The following NEK6 variants were observed in gnomAD, a reference collection of about 807,000 sequenced individuals.
NEK6 encodes serine/threonine-protein kinase Nek6.
In NEK6, 27 loss-of-function variants were observed where a neutral mutation model predicts 43.5. That is an observed-to-expected ratio of 0.62 (90% CI 0.46 to 0.86). NEK6 has a LOEUF of 0.86. NEK6 is among the 40% of genes least tolerant of loss of function. The pLI, the probability that NEK6 is intolerant of heterozygous loss-of-function variation, is 0.00. For missense variants in NEK6, 318 were observed against 414.4 expected, an observed-to-expected ratio of 0.77 and a Z score of 2.02; for synonymous variants, 167 against 164.1, an observed-to-expected ratio of 1.02 and a Z score of -0.14.
At chr9:124,265,234 AAAGTTTTGGCCAGGC>A (rs1475570213) in intron 1 of NEK6, among the ~76,000 whole-genome samples, 1 of 152,214 alleles carries the variant, frequency 6.6e-6, no homozygotes, top group Admixed American at 6.5e-5. Flanking sequence ...GTTAAACATA[AAAGTTTTGGCCAGGC>A]ACGGTGGCTC....
At chr9:124,327,276 G>T in intron 6 of NEK6, 62 bp from the exon 7 acceptor site, 1 of 1,376,534 alleles carries the variant, frequency 7.3e-7, no homozygotes, top group Admixed American at 1.7e-5. Context: ...CCTTCCTCTC[G>T]TCCTGCCCCA....
At chr9:124,322,867 G>C (rs924883581) in intron 5 of NEK6, among the ~76,000 whole-genome samples, 1 of 152,270 alleles carries the variant, frequency 6.6e-6, no homozygotes, top group South Asian at 2.1e-4. Context: ...GCGTCACTGG[G>C]AAGTGGCATT....
chr9:124,348,725 A>G (rs978860406), intron 9 of NEK6, among the ~76,000 whole-genome samples: 2 of 152,184 alleles, frequency 1.3e-5, no homozygotes, highest in African/African-American at 2.4e-5. Context: ...TGTGACCCTT[A>G]TTTCTGTTCA....
chr9:124,348,386 G>T (rs1027667755), intron 9 of NEK6, among the ~76,000 whole-genome samples: 2 of 152,202 alleles, frequency 1.3e-5, no homozygotes, highest in African/African-American at 2.4e-5. Flanking sequence ...TACTAGGAAT[G>T]TGTGAATATC....
chr9:124,282,614 T>TGGGGCCACAGGGGGTGGGTCAGAC lies in NEK6; in HGVS notation c.-29-19321_-29-19298dup, dbSNP rs550978684. On this transcript the variant is annotated intron_variant, in intron 1 of 9. Coordinates refer to ENST00000320246, the MANE Select transcript of NEK6 (RefSeq NM_014397.6). ...GCTGTCACCACAGCAAGGGCCAGGC[T>TGGGGCCACAGGGGGTGGGTCAGAC]GGGGCCACAGGGGGTGGGTCAGACA... Among the ~76,000 whole-genome samples the TGGGGCCACAGGGGGTGGGTCAGAC allele has an allele frequency of 7.5e-3, 1,147 of 152,152 alleles. 48 individuals are homozygous for TGGGGCCACAGGGGGTGGGTCAGAC. The highest frequency in any genetic ancestry group is 0.069 in the Admixed American group (1,054 of 15,262).
chr9:124,313,905 T>C lies in NEK6; in HGVS notation c.232-18T>C, dbSNP rs1833677959. On this transcript the variant is annotated intron_variant, in intron 3 of 9. Coordinates refer to ENST00000320246, the MANE Select transcript of NEK6 (RefSeq NM_014397.6). ...ACAGATTGTAACCACTCTATTTCTC[T>C]TTTTCCTCCCGCCCAAGATCTTTGA... The C allele has an allele frequency of 2.5e-6, 4 of 1,613,912 alleles. No homozygotes were observed. Among genetic ancestry groups the C allele is most frequent in the Non-Finnish European group, 2.5e-6 (3 of 1,179,830 alleles).
intron 1 of NEK6, among the ~76,000 whole-genome samples, chr9:124,282,041 T>G (rs1831936373): frequency 6.6e-6 from 1 of 152,228 alleles, no homozygotes; most frequent in Non-Finnish European, 1.5e-5. Flanking sequence ...GGCTCTGCCC[T>G]GGTGTGCGGT....
intron 7 of NEK6, among the ~76,000 whole-genome samples, chr9:124,327,800 G>A (rs1424087735): frequency 6.6e-6 from 1 of 152,334 alleles, no homozygotes; most frequent in East Asian, 1.9e-4. Context: ...CTCCTAGGGG[G>A]TGGACATTTG....
chr9:124,268,675 T>A (rs749874966), intron 1 of NEK6, among the ~76,000 whole-genome samples: 2 of 152,200 alleles, frequency 1.3e-5, no homozygotes, highest in Admixed American at 6.5e-5. Flanking sequence ...ACAATCCAGA[T>A]GCCCCAGGAA....
chr9:124,263,242 A>G (rs776236330), intron 1 of NEK6, among the ~76,000 whole-genome samples: 15 of 152,212 alleles, frequency 9.9e-5, no homozygotes, highest in African/African-American at 3.4e-4. Flanking sequence ...TGAGACGAGC[A>G]CTGGGTTTAT....
At chr9:124,347,909 G>C in intron 9 of NEK6, 87 bp downstream of exon 9, 1 of 768,018 alleles carries the variant, frequency 1.3e-6, no homozygotes, top group Non-Finnish European at 2.2e-6. Flanking sequence ...CAGCTGTGGG[G>C]CTGAGGTTAG....
At chr9:124,315,526 C>A (rs1833770244) in intron 4 of NEK6, among the ~76,000 whole-genome samples, 1 of 152,216 alleles carries the variant, frequency 6.6e-6, no homozygotes, top group South Asian at 2.1e-4. Context: ...AAAAATATCC[C>A]TCGAAAACAT....
At chr9:124,258,219 G>C (rs1830885461) in intron 1 of NEK6, 134 bp downstream of exon 1, 1 of 978,642 alleles carries the variant, frequency 1.0e-6, no homozygotes, top group Admixed American at 6.3e-5. Flanking sequence ...GGGGAGAGCG[G>C]GAGGCGGGCG....
intron 2 of NEK6, among the ~76,000 whole-genome samples, chr9:124,304,808 C>G (rs1180346269): frequency 6.6e-6 from 1 of 152,080 alleles, no homozygotes; most frequent in African/African-American, 2.4e-5. Flanking sequence ...ACCGGCAGAA[C>G]CATATATGAA....
rs370891224 is a variant in NEK6 at position 124,312,247 on chromosome 9, A to G, written c.91-262A>G. Among the ~76,000 whole-genome samples the G allele has an allele frequency of 2.6e-5, 4 of 152,230 alleles. No individual in the cohort carries two copies. In the South Asian group the frequency reaches 8.3e-4, roughly 31 times the overall value. On this transcript the variant is annotated intron_variant, in intron 2 of 9. Transcript: ENST00000320246. ...AGACAGCAAACAAACAAGCAGTCAG[A>G]CAATGAAGGTGGTGATGAGGGCAGT...
chr9:124,293,415 A>C (rs758314872), intron 1 of NEK6, among the ~76,000 whole-genome samples: 9 of 152,210 alleles, frequency 5.9e-5, no homozygotes, highest in Non-Finnish European at 7.3e-5. Context: ...CCCAGAGTCA[A>C]GAATCTTCTG....
At chr9:124,284,161 C>T (rs1226440285) in intron 1 of NEK6, among the ~76,000 whole-genome samples, 1 of 152,212 alleles carries the variant, frequency 6.6e-6, no homozygotes, top group African/African-American at 2.4e-5. Flanking sequence ...CCAGCCTGGC[C>T]AACATGTTGA....
intron 2 of NEK6, among the ~76,000 whole-genome samples, chr9:124,307,447 C>G (rs770692983): frequency 6.6e-6 from 1 of 152,196 alleles, no homozygotes; most frequent in Non-Finnish European, 1.5e-5. Flanking sequence ...CTGCTGCTCC[C>G]CAGGGCCCTT....
At chr9:124,317,151 A>G (rs937855340) in intron 4 of NEK6, among the ~76,000 whole-genome samples, 2 of 152,218 alleles carry the variant, frequency 1.3e-5, no homozygotes, top group African/African-American at 4.8e-5. Flanking sequence ...ACTGAAAAAC[A>G]TGTCTATGGA....
Sources: gnomAD v4.1 joint callset for allele counts (sites outside exome capture counted in the v4.1 genomes callset) on GRCh38, gnomAD v4.1.1 for gene constraint, MANE v1.5 for transcripts, NCBI Gene and HGNC (gene_info 2026-07-23, HGNC 2026-07-21) for gene names.